ADGRL3: variants seen among roughly 807,000 people sequenced by gnomAD.
ADGRL3 encodes calcium-independent alpha-latrotoxin receptor 3.
Under a neutral mutation model 153.5 loss-of-function variants are expected in ADGRL3, and 62 were observed. The observed-to-expected ratio is 0.40, with a 90% CI of 0.33 to 0.50. ADGRL3 has a LOEUF of 0.50. Ranked by LOEUF, ADGRL3 falls within the 20% of genes least tolerant of loss-of-function variation. The pLI, the probability that ADGRL3 is intolerant of heterozygous loss-of-function variation, is 0.47. For missense variants in ADGRL3, 1,641 were observed against 1,859.4 expected, an observed-to-expected ratio of 0.88 and a Z score of 2.16; for synonymous variants, 710 against 672.5, an observed-to-expected ratio of 1.06 and a Z score of -0.86.
At chr4:61,580,171 A>T (rs1277018422) in intron 4 of ADGRL3, among the ~76,000 whole-genome samples, 1 of 149,050 alleles carries the variant, frequency 6.7e-6, no homozygotes, top group Non-Finnish European at 1.5e-5. Context: ...TATGTAAGAA[A>T]CTCTTTTAGA....
chr4:61,526,137 G>T (rs1439570946), intron 4 of ADGRL3, among the ~76,000 whole-genome samples: 2 of 152,088 alleles, frequency 1.3e-5, no homozygotes, highest in Non-Finnish European at 2.9e-5. Flanking sequence ...CTTTTCTTAC[G>T]CTTCGCCCCT....
chr4:61,978,982 T>C (rs937589118), intron 17 of ADGRL3, among the ~76,000 whole-genome samples: 1 of 152,192 alleles, frequency 6.6e-6, no homozygotes, highest in Non-Finnish European at 1.5e-5. Context: ...CCAAAATAAA[T>C]AGTGCACATG....
intron 6 of ADGRL3, among the ~76,000 whole-genome samples, chr4:61,726,256 T>G (rs1000657158): frequency 7.4e-6 from 1 of 134,878 alleles, no homozygotes; most frequent in Non-Finnish European, 1.5e-5. Context: ...TGGAGTGCAG[T>G]GGCGCGATCT....
intron 9 of ADGRL3, among the ~76,000 whole-genome samples, chr4:61,856,083 A>ACTGG (rs1413168513): frequency 1.3e-5 from 2 of 152,084 alleles, no homozygotes; most frequent in East Asian, 3.9e-4. Context: ...AATTCAAGGA[A>ACTGG]CTGGCCAAGG....
chr4:61,542,305 G>A (rs765362971), intron 4 of ADGRL3, among the ~76,000 whole-genome samples: 1 of 152,076 alleles, frequency 6.6e-6, no homozygotes, highest in Non-Finnish European at 1.5e-5. Flanking sequence ...TTTATTTACT[G>A]TGAACAAATA....
intron 1 of ADGRL3, among the ~76,000 whole-genome samples, chr4:61,232,524 G>A (rs1442023652): frequency 6.6e-6 from 1 of 152,032 alleles, no homozygotes; most frequent in Non-Finnish European, 1.5e-5. Flanking sequence ...GGCCAGGCTG[G>A]TCTCAAACTC....
rs530517578 is a variant in ADGRL3 at position 61,372,894 on chromosome 4, G to A, written c.-239-10230G>A. On this transcript the variant is annotated intron_variant, in intron 1 of 26. Coordinates refer to ENST00000683033, the MANE Select transcript of ADGRL3 (RefSeq NM_001387552.1). ...GCAATCAGCGAGACTCCGTGGGGCA[G>A]GACCCTCCGAGCCAGGTGCGGGATA... 2.6e-5 allele frequency among the ~76,000 whole-genome samples: 4 copies of A among 152,346 alleles called. No homozygotes were observed. The East Asian group carries it at 7.7e-4, about 29-fold the overall frequency.
chr4:61,460,405 A>G (rs1337882114), intron 2 of ADGRL3, among the ~76,000 whole-genome samples: 5 of 152,146 alleles, frequency 3.3e-5, no homozygotes, highest in Non-Finnish European at 5.9e-5. Context: ...AGCAACATAG[A>G]TGGAACTGGA....
At chr4:61,228,188 A>G (rs1748833836) in intron 1 of ADGRL3, among the ~76,000 whole-genome samples, 1 of 152,092 alleles carries the variant, frequency 6.6e-6, no homozygotes, top group Non-Finnish European at 1.5e-5. Context: ...TTGACTTTTT[A>G]AAAAGTAATG....
At chr4:61,887,268 C>T (rs1196508060) in intron 9 of ADGRL3, among the ~76,000 whole-genome samples, 2 of 151,912 alleles carry the variant, frequency 1.3e-5, no homozygotes, top group African/African-American at 4.8e-5. Context: ...AATAGTAATG[C>T]TTTACTAGAT....
At chr4:61,236,675 T>C (rs1355126543) in intron 1 of ADGRL3, among the ~76,000 whole-genome samples, 1 of 152,210 alleles carries the variant, frequency 6.6e-6, no homozygotes, top group African/African-American at 2.4e-5. Flanking sequence ...TAGAGGTCAG[T>C]GTAAGATATA....
intron 1 of ADGRL3, among the ~76,000 whole-genome samples, chr4:61,220,598 G>GAA (rs1745020927): frequency 6.6e-6 from 1 of 152,120 alleles, no homozygotes; most frequent in Non-Finnish European, 1.5e-5. Flanking sequence ...GCTTCATGTA[G>GAA]AAAAAGGGAG....
chr4:61,527,865 C>A (rs1260304576), intron 4 of ADGRL3, among the ~76,000 whole-genome samples: 1 of 152,106 alleles, frequency 6.6e-6, no homozygotes, highest in Non-Finnish European at 1.5e-5. Context: ...ATTGACTGGG[C>A]CTTCCCACTT....
intron 1 of ADGRL3, among the ~76,000 whole-genome samples, chr4:61,356,383 A>G (rs924707630): frequency 6.6e-6 from 1 of 152,048 alleles, no homozygotes; most frequent in Non-Finnish European, 1.5e-5. Context: ...GTTAAATGGA[A>G]CACTGTTTTG....
intron 5 of ADGRL3, among the ~76,000 whole-genome samples, chr4:61,643,757 G>T (rs1279134028): frequency 2.2e-5 from 3 of 137,690 alleles, no homozygotes; most frequent in Non-Finnish European, 3.1e-5. Context: ...TCTCTTTTTT[G>T]GTTGTGTCTC....
chr4:61,922,130 G>C (rs1292662637), intron 13 of ADGRL3, among the ~76,000 whole-genome samples: 1 of 152,080 alleles, frequency 6.6e-6, no homozygotes, highest in Middle Eastern at 3.2e-3. Flanking sequence ...CTTATTGTCC[G>C]GACTGAGTTT....
In ADGRL3 at chr4:62,071,515, C is replaced by T. The variant is rs1745652567; in HGVS notation, c.*607C>T. 1 of 180,966 alleles carries T rather than the reference C, an allele frequency of 5.5e-6. No individual in the cohort carries two copies. The highest frequency in any genetic ancestry group is 1.2e-5 in the Non-Finnish European group (1 of 85,430). 11.2% of individuals were successfully genotyped at this position (180,966 alleles called of 1,614,324 possible). On this transcript the variant is annotated 3_prime_UTR_variant, in exon 27 of 27. Coordinates refer to ENST00000683033, the MANE Select transcript of ADGRL3 (RefSeq NM_001387552.1). The stretch of plus-strand genomic sequence containing the variant: ...CATATTTTATGATTTGCTGTATTAA[C>T]TGATGATAAAACTAATGGCAGAAAA...
chr4:61,725,211 G>A (rs886789986), intron 6 of ADGRL3, among the ~76,000 whole-genome samples: 2 of 152,136 alleles, frequency 1.3e-5, no homozygotes, highest in African/African-American at 4.8e-5. Context: ...GTTTCAACTT[G>A]ACCTAAACAA....
chr4:61,476,696 CAA>C (rs1416629842), intron 2 of ADGRL3, among the ~76,000 whole-genome samples: 1 of 88,812 alleles, frequency 1.1e-5, no homozygotes, highest in Non-Finnish European at 2.0e-5. Flanking sequence ...GCAACAAGAG[CAA>C]GACTCTGTCT....
Sources: allele counts gnomAD v4.1 joint callset (sites outside exome capture counted in the v4.1 genomes callset), GRCh38; gene constraint gnomAD v4.1.1; transcripts MANE v1.5; gene names NCBI Gene and HGNC (gene_info 2026-07-23, HGNC 2026-07-21).